The following GIGYF2 variants were observed in gnomAD, a reference collection of about 807,000 sequenced individuals.
GIGYF2 encodes the protein GRB10 interacting GYF protein 2.
A neutral mutation model predicts 208.1 loss-of-function variants in GIGYF2; 25 were observed. The ratio of observed to expected loss-of-function variants is 0.12; its 90% CI spans 0.09 to 0.17. GIGYF2 has a LOEUF of 0.17. Among genes scored for constraint, GIGYF2 ranks in the 10% least tolerant of loss-of-function variants. The probability of loss-of-function intolerance (pLI) is 1.00; values close to 1 mark genes in which losing one functional copy is unlikely to be tolerated. For synonymous variants in GIGYF2, 534 were observed against 543.8 expected, an observed-to-expected ratio of 0.98 and a Z score of 0.25; for missense variants, 1,302 against 1,579.4, an observed-to-expected ratio of 0.82 and a Z score of 2.98.
At position 232,747,873 on chromosome 2, in the gene GIGYF2, C is replaced by A. The variant is rs3817310; in HGVS notation, c.171+129C>A. ...CCATGCCTTTCCACCTTAACTGTTT[C>A]CCTGCTTTGAAGCCTGCAATAGTTA... On this transcript the variant is annotated intron_variant, in intron 4 of 28. Transcript: ENST00000373563. 57,555 of 868,698 alleles carry A rather than the reference C, an allele frequency of 0.066. 2,393 individuals carry two copies. Among genetic ancestry groups the A allele is most frequent in the East Asian group, 0.17 (6,389 of 37,594 alleles). The allele number at this position is 868,698 out of a possible 1,614,324, so 53.8% of individuals were successfully genotyped here. A position where few individuals can be genotyped will look rare whatever the true frequency, so the allele number is the denominator to read the frequency against.
intron 8 of GIGYF2, among the ~76,000 whole-genome samples, chr2:232,779,617 A>G (rs529798012): frequency 6.6e-6 from 1 of 152,320 alleles, no homozygotes; most frequent in South Asian, 2.1e-4. Flanking sequence ...CACAGATTTC[A>G]GGCAGCCTCT....
At chr2:232,764,985 C>T (rs948669936) in intron 8 of GIGYF2, among the ~76,000 whole-genome samples, 1 of 152,132 alleles carries the variant, frequency 6.6e-6, no homozygotes, top group African/African-American at 2.4e-5. Flanking sequence ...ACTAAACTAA[C>T]ATGAAGTATC....
At chr2:232,850,654 G>A (rs1690276556) in intron 28 of GIGYF2, among the ~76,000 whole-genome samples, 1 of 152,192 alleles carries the variant, frequency 6.6e-6, no homozygotes. Context: ...GTGCTTTAAA[G>A]TATTGTTTGA....
Position 232,797,842 on chromosome 2 carries a change from G to A in GIGYF2, c.1639+1621G>A, listed in dbSNP as rs542437777. 2.1e-4 allele frequency among the ~76,000 whole-genome samples: 32 copies of A among 152,098 alleles called. 1 individual carries two copies. Among genetic ancestry groups the A allele is most frequent in the African/African-American group, 5.3e-4 (22 of 41,498 alleles). ...CTAAAAATACGAAAATTAGCTGGATGTGGTGGCATGTGCCTGTAGTCCCAG... is the reference window on the plus strand; with the variant it reads ...CTAAAAATACGAAAATTAGCTGGATATGGTGGCATGTGCCTGTAGTCCCAG... On this transcript the variant is annotated intron_variant, in intron 14 of 28. Transcript: ENST00000373563.
intron 14 of GIGYF2, among the ~76,000 whole-genome samples, chr2:232,803,547 T>G (rs1327545110): frequency 6.6e-6 from 1 of 152,092 alleles, no homozygotes; most frequent in Non-Finnish European, 1.5e-5. Context: ...TCTCAATGAG[T>G]GTCCGTTTGC....
chr2:232,827,473 G>T (rs1173957543), intron 21 of GIGYF2, among the ~76,000 whole-genome samples: 1 of 152,134 alleles, frequency 6.6e-6, no homozygotes, highest in Non-Finnish European at 1.5e-5. Flanking sequence ...GGCTAATCGG[G>T]TTGTTTTATC....
At chr2:232,732,432 A>C (rs1389591836) in intron 2 of GIGYF2, among the ~76,000 whole-genome samples, 1 of 152,068 alleles carries the variant, frequency 6.6e-6, no homozygotes, top group Non-Finnish European at 1.5e-5. Context: ...TCTGTTATAC[A>C]ATAAATTTAG....
intron 5 of GIGYF2, among the ~76,000 whole-genome samples, chr2:232,749,666 A>G (rs1273131613): frequency 6.6e-6 from 1 of 152,202 alleles, no homozygotes; most frequent in African/African-American, 2.4e-5. Flanking sequence ...ATAACTGTAG[A>G]AAAATGGAAA....
intron 2 of GIGYF2, among the ~76,000 whole-genome samples, chr2:232,714,047 T>A (rs1249383890): frequency 6.6e-6 from 1 of 151,926 alleles, no homozygotes; most frequent in Admixed American, 6.6e-5. Flanking sequence ...CTTCCCGGGT[T>A]CATGCCATTC....
rs371943120 is a variant in GIGYF2 at position 232,856,755 on chromosome 2, C to T, written c.3833-38C>T. ...CCTAGAATTTGAGCCGCTTGGTTGC[C>T]TGGGTGTGGTCACTCATAGCCAGTT... On this transcript the variant is annotated intron_variant, in intron 28 of 28. Coordinates refer to ENST00000373563, the MANE Select transcript of GIGYF2 (RefSeq NM_001103146.3). 6.5e-6 allele frequency: 9 copies of T among 1,381,176 alleles called. No homozygotes were observed. The African/African-American group carries it at 1.3e-4, about 20-fold the overall frequency. 85.6% of individuals were successfully genotyped at this position (1,381,176 alleles called of 1,614,324 possible). A position where few individuals can be genotyped will look rare whatever the true frequency, so the allele number is the denominator to read the frequency against.
intron 14 of GIGYF2, 28 bp downstream of exon 14, chr2:232,796,249 C>G (rs1281082478): frequency 1.4e-6 from 2 of 1,421,932 alleles, no homozygotes; most frequent in Non-Finnish European, 1.0e-6. Flanking sequence ...CCTTTAAATA[C>G]TGAAGTGTGT....
chr2:232,844,917 T>C (rs1278832680), intron 25 of GIGYF2, among the ~76,000 whole-genome samples: 1 of 152,232 alleles, frequency 6.6e-6, no homozygotes, highest in African/African-American at 2.4e-5. Flanking sequence ...ATTTGTATTT[T>C]TAAGTAATTT....
intron 8 of GIGYF2, chr2:232,766,616 T>G (rs1698974098): frequency 1.3e-5 from 2 of 152,358 alleles, no homozygotes; most frequent in South Asian, 4.1e-4. Context: ...ATGTCTAAGA[T>G]TTTCAAACAG....
At chr2:232,808,789 ATAT>A (rs1381653396) in intron 15 of GIGYF2, among the ~76,000 whole-genome samples, 2 of 152,108 alleles carry the variant, frequency 1.3e-5, no homozygotes, top group Non-Finnish European at 2.9e-5. Flanking sequence ...AATTCCAGTC[ATAT>A]TATTTCACAT....
At chr2:232,748,862 C>A in intron 4 of GIGYF2, 125 bp from the exon 5 acceptor site, 3 of 701,596 alleles carry the variant, frequency 4.3e-6, no homozygotes, top group South Asian at 2.9e-5. Context: ...GCTGAATAAG[C>A]ATTAATCTGT....
intron 21 of GIGYF2, among the ~76,000 whole-genome samples, chr2:232,821,436 G>A (rs1179641768): frequency 2.6e-5 from 4 of 152,206 alleles, no homozygotes; most frequent in Admixed American, 6.5e-5. Context: ...CTGACCTCAG[G>A]TGATCGCTTG....
intron 3 of GIGYF2, among the ~76,000 whole-genome samples, chr2:232,736,867 C>G (rs763753254): frequency 6.6e-6 from 1 of 152,098 alleles, no homozygotes; most frequent in Non-Finnish European, 1.5e-5. Flanking sequence ...TTTTTTTCAG[C>G]ATCCTGCTGT....
intron 28 of GIGYF2, among the ~76,000 whole-genome samples, chr2:232,856,373 T>C (rs957341311): frequency 1.3e-5 from 2 of 152,172 alleles, no homozygotes; most frequent in East Asian, 3.9e-4. Flanking sequence ...TGTCTCCCTG[T>C]AATACTTCTA....
At position 232,748,999 on chromosome 2, in the gene GIGYF2, C is replaced by T; in HGVS notation, c.184C>T (p.Leu62Phe). The T allele has an allele frequency of 6.4e-7, 1 of 1,570,750 alleles. No individual in the cohort carries two copies. The highest frequency in any genetic ancestry group is 1.3e-5 in the African/African-American group (1 of 74,154). ...FLKDNKIPSD[L>F]LDKEFLPILQ... The stretch of plus-strand genomic sequence containing the variant: ...TTTGGTCCTACAGATACCTTCAGAC[C>T]TTCTGGATAAAGAATTTCTGCCTAT... Residue 62 changes from leucine to phenylalanine, a missense_variant, in exon 5 of 29, where the codon CTT becomes TTT. Leu to Phe is a conservative substitution (Grantham distance 22, BLOSUM62 0). This residue lies in a region of GIGYF2 where 189 missense variants were observed against 257.7 expected (regional missense o/e 0.73). Transcript: ENST00000373563.
Sources: gnomAD v4.1 joint callset for allele counts (sites outside exome capture counted in the v4.1 genomes callset) on GRCh38, gnomAD v4.1.1 for gene constraint, gnomAD v4.1.1 regional missense constraint, MANE v1.5 for transcripts, NCBI Gene and HGNC (gene_info 2026-07-23, HGNC 2026-07-21) for gene names.